MACROD2: variants seen among roughly 807,000 people sequenced by gnomAD.
MACROD2 encodes mono-ADP ribosylhydrolase 2, also known as ADP-ribose glycohydrolase MACROD2.
A neutral mutation model predicts 70.4 loss-of-function variants in MACROD2; 36 were observed. The observed-to-expected ratio is 0.51, with a 90% CI of 0.39 to 0.68. The LOEUF (loss-of-function observed/expected upper bound fraction) is 0.68. Ranked by LOEUF, MACROD2 falls within the 30% of genes least tolerant of loss-of-function variation. The probability of loss-of-function intolerance (pLI) is 0.00; values close to 1 mark genes in which losing one functional copy is unlikely to be tolerated. For missense variants in MACROD2, 496 were observed against 538.4 expected, an observed-to-expected ratio of 0.92 and a Z score of 0.78; for synonymous variants, 172 against 178.8, an observed-to-expected ratio of 0.96 and a Z score of 0.30.
intron 4 of MACROD2, among the ~76,000 whole-genome samples, chr20:14,526,575 C>G (rs914352289): frequency 6.6e-6 from 1 of 152,192 alleles, no homozygotes; most frequent in Non-Finnish European, 1.5e-5. Context: ...ATTCATATTT[C>G]TTTTCAGATT....
intron 5 of MACROD2, among the ~76,000 whole-genome samples, chr20:14,721,241 C>G (rs1278286850): frequency 1.5e-4 from 18 of 121,892 alleles, no homozygotes; most frequent in African/African-American, 5.6e-4. Context: ...GGCAACAAAG[C>G]AAGACCCCAT....
chr20:14,301,012 T>TA (rs1446671547), intron 3 of MACROD2, among the ~76,000 whole-genome samples: 1 of 152,226 alleles, frequency 6.6e-6, no homozygotes, highest in African/African-American at 2.4e-5. Context: ...CAAGAACTGT[T>TA]ACAAGACTTT....
rs1203487980 is a variant in MACROD2, at chr20:15,349,763, A to AAAC, written c.541-81640_541-81639insCAA. On this transcript the variant is annotated intron_variant, in intron 6 of 17. Coordinates refer to ENST00000684519, the MANE Select transcript of MACROD2 (RefSeq NM_001351661.2). ...AGAGAAAAACTCAGTCTCAAAAAAAAAAAAAACACACCACGAAAAATTATG... is the reference window on the plus strand; with the variant it reads ...AGAGAAAAACTCAGTCTCAAAAAAAAAACAAAAAACACACCACGAAAAATTATG... Among the ~76,000 whole-genome samples the AAAC allele has an allele frequency of 1.1e-4, 17 of 151,768 alleles. 1 individual carries two copies. Among genetic ancestry groups the AAAC allele is most frequent in the African/African-American group, 4.1e-4 (17 of 41,406 alleles).
intron 6 of MACROD2, among the ~76,000 whole-genome samples, chr20:15,363,664 G>C (rs2078378585): frequency 6.6e-6 from 1 of 152,126 alleles, no homozygotes; most frequent in South Asian, 2.1e-4. Context: ...TGCCTGACAT[G>C]CTCAGATTGT....
At chr20:15,869,765 C>T (rs2064554085) in intron 9 of MACROD2, among the ~76,000 whole-genome samples, 1 of 151,838 alleles carries the variant, frequency 6.6e-6, no homozygotes, top group Non-Finnish European at 1.5e-5. Flanking sequence ...TAAAGTAAAA[C>T]CCTAAGTCAA....
intron 12 of MACROD2, among the ~76,000 whole-genome samples, chr20:15,949,654 C>A (rs532947143): frequency 2.8e-4 from 43 of 152,250 alleles, no homozygotes; most frequent in South Asian, 2.7e-3. Flanking sequence ...TCCATTGGTG[C>A]CTTCCATAGA....
chr20:14,674,932 A>G (rs2070841258), intron 4 of MACROD2, among the ~76,000 whole-genome samples: 1 of 152,214 alleles, frequency 6.6e-6, no homozygotes, highest in Admixed American at 6.5e-5. Context: ...TATTTACAAA[A>G]AAAGATTAAA....
intron 7 of MACROD2, among the ~76,000 whole-genome samples, chr20:15,469,641 C>T (rs998319833): frequency 6.6e-6 from 1 of 152,100 alleles, no homozygotes; most frequent in African/African-American, 2.4e-5. Flanking sequence ...AGAAAGGGGC[C>T]TTGGGCCTGG....
At chr20:16,029,568 C>T (rs888195836) in intron 15 of MACROD2, among the ~76,000 whole-genome samples, 7 of 152,172 alleles carry the variant, frequency 4.6e-5, no homozygotes, top group African/African-American at 1.7e-4. Flanking sequence ...AGGAAGGCAC[C>T]TTTCTGGAAA....
intron 8 of MACROD2, among the ~76,000 whole-genome samples, chr20:15,785,207 G>A (rs1341495674): frequency 6.6e-6 from 1 of 151,116 alleles, no homozygotes; most frequent in Non-Finnish European, 1.5e-5. Context: ...AAGTTTTGTA[G>A]TGCTGTCCTC....
At chr20:15,316,710 T>C (rs1223651916) in intron 6 of MACROD2, among the ~76,000 whole-genome samples, 2 of 152,074 alleles carry the variant, frequency 1.3e-5, no homozygotes, top group African/African-American at 2.4e-5. Flanking sequence ...ACAGAGATTT[T>C]GAACACTCCA....
chr20:14,126,389 A>C (rs984553779), intron 3 of MACROD2, among the ~76,000 whole-genome samples: 3 of 152,336 alleles, frequency 2.0e-5, no homozygotes, highest in Non-Finnish European at 4.4e-5. Context: ...AAAGCCCTAT[A>C]CAAATAAAAT....
intron 6 of MACROD2, among the ~76,000 whole-genome samples, chr20:15,349,828 A>G (rs538650965): frequency 5.0e-4 from 76 of 151,410 alleles, no homozygotes; most frequent in African/African-American, 1.8e-3. Context: ...TGGAAGGGTC[A>G]CAGTAGAGAA....
intron 7 of MACROD2, among the ~76,000 whole-genome samples, chr20:15,455,980 G>A (rs533381014): frequency 2.0e-5 from 3 of 152,188 alleles, no homozygotes; most frequent in South Asian, 2.1e-4. Context: ...CAAGCCTGAG[G>A]GATAGCTCTG....
chr20:15,708,084 AGG>A (rs1456460387), intron 8 of MACROD2, among the ~76,000 whole-genome samples: 1 of 151,246 alleles, frequency 6.6e-6, no homozygotes, highest in Non-Finnish European at 1.5e-5. Flanking sequence ...CTGCCAGAAG[AGG>A]CATTGTAATA....
At chr20:15,602,145 A>G (rs1418476573) in intron 8 of MACROD2, among the ~76,000 whole-genome samples, 1 of 152,060 alleles carries the variant, frequency 6.6e-6, no homozygotes, top group African/African-American at 2.4e-5. Context: ...GTAGACCCCA[A>G]CCTCCTGCCG....
chr20:15,642,197 G>T (rs1299227758), intron 8 of MACROD2, among the ~76,000 whole-genome samples: 3 of 152,184 alleles, frequency 2.0e-5, no homozygotes, highest in Non-Finnish European at 4.4e-5. Flanking sequence ...TTTGAAATCA[G>T]TGTAGCTCAT....
At chr20:15,856,980 A>G (rs897407830) in intron 8 of MACROD2, among the ~76,000 whole-genome samples, 3 of 152,222 alleles carry the variant, frequency 2.0e-5, no homozygotes, top group Admixed American at 6.5e-5. Flanking sequence ...AACAAAGAAC[A>G]TTGTTATTCT....
At chr20:15,021,290 GTGTGTATATGCACATATACATATACA>G (rs755057543) in intron 5 of MACROD2, among the ~76,000 whole-genome samples, 16 of 136,666 alleles carry the variant, frequency 1.2e-4, no homozygotes, top group East Asian at 4.9e-4. Flanking sequence ...ACACCTGTGT[GTGTGTATATGCACATATACATATACA>G]TATACATACA....
Sources: allele counts gnomAD v4.1 joint callset (sites outside exome capture counted in the v4.1 genomes callset), GRCh38; gene constraint gnomAD v4.1.1; transcripts MANE v1.5; gene names NCBI Gene and HGNC (gene_info 2026-07-23, HGNC 2026-07-21).